Variants in GNB1L observed in about 807,000 individuals in gnomAD.
The protein encoded by GNB1L is G protein subunit beta 1 like, also known as guanine nucleotide-binding protein subunit beta-like protein 1.
GNB1L carries 20 observed loss-of-function variants against 29.1 expected under a neutral mutation model. The ratio of observed to expected loss-of-function variants is 0.69; its 90% CI spans 0.48 to 1.00. The LOEUF (loss-of-function observed/expected upper bound fraction) is 1.00. Ranked by LOEUF, GNB1L falls within the 50% of genes least tolerant of loss-of-function variation. GNB1L has a pLI of 0.00. For synonymous variants in GNB1L, 193 were observed against 206.5 expected, an observed-to-expected ratio of 0.93 and a Z score of 0.56; for missense variants, 421 against 464.9, an observed-to-expected ratio of 0.91 and a Z score of 0.87.
chr22:19,801,670 T>TC (rs893123045), intron 7 of GNB1L, among the ~76,000 whole-genome samples: 2 of 151,962 alleles, frequency 1.3e-5, no homozygotes, highest in Non-Finnish European at 2.9e-5. Flanking sequence ...TTTTTTTTTT[T>TC]TGATTAATCA....
At chr22:19,850,684 A>G in intron 2 of GNB1L, 1 of 1,231,178 alleles carries the variant, frequency 8.1e-7, no homozygotes, top group Non-Finnish European at 1.0e-6. Flanking sequence ...CTGGGACAGA[A>G]GTCACAGGGA....
At chr22:19,796,546 G>C (rs1937308293) in intron 7 of GNB1L, among the ~76,000 whole-genome samples, 1 of 152,110 alleles carries the variant, frequency 6.6e-6, no homozygotes, top group Non-Finnish European at 1.5e-5. Context: ...AAAATAACTG[G>C]GGAAAAAAAT....
At chr22:19,792,240 G>T (rs1481461554) in intron 7 of GNB1L, 1 of 619,236 alleles carries the variant, frequency 1.6e-6, no homozygotes, top group African/African-American at 1.8e-5. Context: ...AGACTTTAAA[G>T]AAACTCCTTA....
intron 4 of GNB1L, 46 bp from the exon 5 acceptor site, chr22:19,812,493 G>C (rs767086974): frequency 6.4e-7 from 1 of 1,557,718 alleles, no homozygotes; most frequent in African/African-American, 1.4e-5. Context: ...CTTGACAAGT[G>C]TCAGCTCCCA....
At chr22:19,789,557 T>C (rs1937228833) in intron 7 of GNB1L, among the ~76,000 whole-genome samples, 1 of 151,272 alleles carries the variant, frequency 6.6e-6, no homozygotes, top group Non-Finnish European at 1.5e-5. Context: ...AGCCACACAG[T>C]GTACCTTGCC....
chr22:19,817,818 C>G (rs1937543231), intron 4 of GNB1L, among the ~76,000 whole-genome samples: 1 of 152,224 alleles, frequency 6.6e-6, no homozygotes, highest in Non-Finnish European at 1.5e-5. Flanking sequence ...CAGGTGCTCA[C>G]TCAGCCGTAA....
At position 19,806,773 on chromosome 22, in the gene GNB1L, C is replaced by T. The variant is rs1937441035; in HGVS notation, c.418-16G>A. ...GAATCTGAACCTGACAGTAAGAAAACAAGTTGATTTGGGCCGTCGCCAAGT... is the reference window on the plus strand; with the variant it reads ...GAATCTGAACCTGACAGTAAGAAAATAAGTTGATTTGGGCCGTCGCCAAGT... On this transcript the variant is annotated splice_polypyrimidine_tract_variant and intron_variant, in intron 5 of 7. Coordinates refer to ENST00000329517, the MANE Select transcript of GNB1L (RefSeq NM_053004.3). 2 of 1,587,528 alleles carry T rather than the reference C, an allele frequency of 1.3e-6. No individual in the cohort carries two copies. Among genetic ancestry groups the T allele is most frequent in the African/African-American group, 2.7e-5 (2 of 74,442 alleles).
intron 7 of GNB1L, among the ~76,000 whole-genome samples, chr22:19,797,731 C>T (rs1937323104): frequency 6.6e-6 from 1 of 152,222 alleles, no homozygotes; most frequent in Admixed American, 6.5e-5. Context: ...TCAACACCAG[C>T]TTGTCTCTCA....
At chr22:19,822,580 G>A (rs921286754) in intron 2 of GNB1L, among the ~76,000 whole-genome samples, 2 of 152,234 alleles carry the variant, frequency 1.3e-5, no homozygotes, top group African/African-American at 4.8e-5. Context: ...TGGGTGGCTG[G>A]GGCAGCCTGT....
intron 7 of GNB1L, among the ~76,000 whole-genome samples, chr22:19,794,099 A>G (rs1381473940): frequency 6.6e-6 from 1 of 152,094 alleles, no homozygotes. Context: ...CAACATAGTG[A>G]GACCCTATCT....
chr22:19,834,166 G>A (rs939104287), intron 2 of GNB1L, among the ~76,000 whole-genome samples: 3 of 151,990 alleles, frequency 2.0e-5, no homozygotes, highest in African/African-American at 4.8e-5. Context: ...AACCATAAAC[G>A]AACCATAGGA....
intron 6 of GNB1L, among the ~76,000 whole-genome samples, chr22:19,804,961 G>T (rs967604987): frequency 6.6e-6 from 1 of 152,212 alleles, no homozygotes; most frequent in Non-Finnish European, 1.5e-5. Flanking sequence ...TGCCTGCGGG[G>T]TTGCAGCCTT....
intron 3 of GNB1L, 53 bp downstream of exon 3, chr22:19,821,175 C>T (rs556599989): frequency 2.4e-5 from 37 of 1,552,760 alleles, no homozygotes; most frequent in African/African-American, 2.0e-4. Context: ...TGCTAGCTCA[C>T]GACCTCCTGA....
intron 5 of GNB1L, among the ~76,000 whole-genome samples, chr22:19,807,323 G>A (rs1315886491): frequency 2.6e-5 from 4 of 152,168 alleles, no homozygotes; most frequent in African/African-American, 7.2e-5. Context: ...CTTGTGGGGT[G>A]TAGGCTCGCT....
chr22:19,815,342 G>A (rs1158454789), intron 4 of GNB1L, among the ~76,000 whole-genome samples: 1 of 152,212 alleles, frequency 6.6e-6, no homozygotes, highest in Non-Finnish European at 1.5e-5. Flanking sequence ...TGGAGAACCT[G>A]CCAAACTGAT....
intron 6 of GNB1L, among the ~76,000 whole-genome samples, chr22:19,804,154 C>T (rs374950253): frequency 1.2e-4 from 18 of 152,288 alleles, no homozygotes; most frequent in Admixed American, 3.9e-4. Context: ...TACCACAGGC[C>T]GGGCAGTCCT....
chr22:19,824,572 TGAAAGCCCCA>T (rs1937604542), intron 2 of GNB1L, among the ~76,000 whole-genome samples: 1 of 152,218 alleles, frequency 6.6e-6, no homozygotes, highest in Non-Finnish European at 1.5e-5. Flanking sequence ...CAAACACCCC[TGAAAGCCCCA>T]GGGAACAAAT....
In GNB1L at chr22:19,816,657, C is replaced by T. The variant is rs1937526422; in HGVS notation, c.254+3941G>A. 6.6e-6 allele frequency among the ~76,000 whole-genome samples: 1 copy of T among 152,116 alleles called. No homozygotes were observed. Among genetic ancestry groups the T allele is most frequent in the African/African-American group, 2.4e-5 (1 of 41,426 alleles). ...CTCATACACACCTCACATACATACA[C>T]ACCACACAGGCACCTCACACATACA... On this transcript the variant is annotated intron_variant, in intron 4 of 7. Coordinates refer to ENST00000329517, the MANE Select transcript of GNB1L (RefSeq NM_053004.3). This position sits in a 1 kb window ranked among gnomAD's most constrained non-coding sequence, Gnocchi z 4.4.
chr22:19,835,279 C>T (rs777541177), intron 2 of GNB1L, among the ~76,000 whole-genome samples: 1 of 151,872 alleles, frequency 6.6e-6, no homozygotes, highest in Admixed American at 6.6e-5. Context: ...ATAGAACATG[C>T]CGCTCAGTAG....
Sources: allele counts gnomAD v4.1 joint callset (sites outside exome capture counted in the v4.1 genomes callset), GRCh38; gene constraint gnomAD v4.1.1; non-coding constraint Gnocchi (gnomAD v3.1); transcripts MANE v1.5; gene names NCBI Gene and HGNC (gene_info 2026-07-23, HGNC 2026-07-21).